Variants in BCKDHB observed in about 807,000 individuals in gnomAD.
BCKDHB encodes 2-oxoisovalerate dehydrogenase subunit beta, mitochondrial.
BCKDHB carries 41 observed loss-of-function variants against 48.5 expected under a neutral mutation model. The observed-to-expected ratio is 0.85, with a 90% CI of 0.66 to 1.10. The LOEUF is 1.10. BCKDHB is among the 50% of genes least tolerant of loss of function. The pLI is 0.00. For synonymous variants in BCKDHB, 201 were observed against 174.8 expected, an observed-to-expected ratio of 1.15 and a Z score of -1.18; for missense variants, 496 against 494.2, an observed-to-expected ratio of 1.00 and a Z score of -0.03.
chr6:80,137,432 A>G (rs545028365), intron 3 of BCKDHB, among the ~76,000 whole-genome samples: 24 of 152,236 alleles, frequency 1.6e-4, no homozygotes, highest in African/African-American at 5.8e-4. Flanking sequence ...TCTATTTCCT[A>G]TACTGGAGTG....
the BCKDHB span, among the ~76,000 whole-genome samples, chr6:80,370,233 G>C: frequency 6.6e-6 from 1 of 152,264 alleles, no homozygotes; most frequent in South Asian, 2.1e-4. Flanking sequence ...AGAGGAAAAA[G>C]ACCAGATCTC....
intron 3 of BCKDHB, among the ~76,000 whole-genome samples, chr6:80,143,091 T>C (rs180737084): frequency 6.6e-6 from 1 of 152,260 alleles, no homozygotes. Context: ...GGTCAATATC[T>C]GGGGATGCTT....
In BCKDHB at chr6:80,213,606, C is replaced by G. The variant is rs574231366; in HGVS notation, c.951+10394C>G. 2.0e-5 allele frequency among the ~76,000 whole-genome samples: 3 copies of G among 152,124 alleles called. No individual in the cohort carries two copies. In the East Asian group the frequency reaches 5.8e-4, roughly 29 times the overall value. ...ATACTGTCTCCCAGTCTTCCCTCCC[C>G]CTCACTCTCTGCCCAAAGCAATCTC... On this transcript the variant is annotated intron_variant, in intron 8 of 9. Coordinates refer to ENST00000320393, the MANE Select transcript of BCKDHB (RefSeq NM_183050.4).
At chr6:80,399,640 G>A in the BCKDHB span, among the ~76,000 whole-genome samples, 8 of 152,064 alleles carry the variant, frequency 5.3e-5, no homozygotes, top group African/African-American at 1.4e-4. Context: ...TGAACAGGAA[G>A]AATCATTATC....
chr6:80,231,394 AAAAT>A (rs1775918638), intron 8 of BCKDHB, among the ~76,000 whole-genome samples: 1 of 152,188 alleles, frequency 6.6e-6, no homozygotes. Context: ...TTTATAAACA[AAAAT>A]AAACAAAAAT....
intron 3 of BCKDHB, among the ~76,000 whole-genome samples, chr6:80,151,878 C>T (rs1402180715): frequency 2.0e-5 from 3 of 152,108 alleles, no homozygotes; most frequent in Non-Finnish European, 4.4e-5. Context: ...ATGATGTTGG[C>T]ATGCTGTTTT....
intron 3 of BCKDHB, among the ~76,000 whole-genome samples, chr6:80,157,718 A>T (rs1346716473): frequency 6.6e-6 from 1 of 151,220 alleles, no homozygotes; most frequent in African/African-American, 2.4e-5. Flanking sequence ...ACCTCAGGTG[A>T]TCCGCCCACC....
intron 3 of BCKDHB, among the ~76,000 whole-genome samples, chr6:80,138,927 A>T (rs1771038388): frequency 6.6e-6 from 1 of 152,176 alleles, no homozygotes. Flanking sequence ...CAACAGTGTA[A>T]AAGTGTTCCT....
At chr6:80,274,696 T>C (rs1177942753) in intron 9 of BCKDHB, among the ~76,000 whole-genome samples, 1 of 152,086 alleles carries the variant, frequency 6.6e-6, no homozygotes, top group African/African-American at 2.4e-5. Context: ...TGGAATTAGA[T>C]ACTATAACTC....
intron 3 of BCKDHB, among the ~76,000 whole-genome samples, chr6:80,154,803 A>T (rs1400924922): frequency 6.6e-6 from 1 of 152,126 alleles, no homozygotes; most frequent in Non-Finnish European, 1.5e-5. Flanking sequence ...TAAGTTTGAA[A>T]TTTCACTTGA....
At chr6:80,323,912 A>G (rs1768881724) in intron 9 of BCKDHB, among the ~76,000 whole-genome samples, 2 of 151,946 alleles carry the variant, frequency 1.3e-5, no homozygotes, top group African/African-American at 2.4e-5. Context: ...AGCTGGGACT[A>G]CAGGCGCCCG....
At chr6:80,321,204 T>C (rs1163384783) in intron 9 of BCKDHB, among the ~76,000 whole-genome samples, 1 of 152,156 alleles carries the variant, frequency 6.6e-6, no homozygotes, top group Non-Finnish European at 1.5e-5. Flanking sequence ...ATGCTATAAT[T>C]AGTGATGTCT....
At chr6:80,395,129 A>G in the BCKDHB span, among the ~76,000 whole-genome samples, 3 of 152,194 alleles carry the variant, frequency 2.0e-5, no homozygotes, top group Non-Finnish European at 4.4e-5. Context: ...ATGGCCTAAT[A>G]CAGTAAATTG....
chr6:80,112,908 A>G (rs1769487803), intron 1 of BCKDHB, among the ~76,000 whole-genome samples: 1 of 152,216 alleles, frequency 6.6e-6, no homozygotes, highest in Non-Finnish European at 1.5e-5. Context: ...AACTTCTAGC[A>G]TACTTATGAT....
chr6:80,342,790 A>G (rs1740034869), intron 9 of BCKDHB, among the ~76,000 whole-genome samples: 1 of 152,106 alleles, frequency 6.6e-6, no homozygotes, highest in Non-Finnish European at 1.5e-5. Flanking sequence ...CCCTATTTCA[A>G]AATAAATTCA....
the BCKDHB span, among the ~76,000 whole-genome samples, chr6:80,396,708 A>T: frequency 6.6e-6 from 1 of 152,136 alleles, no homozygotes; most frequent in Admixed American, 6.6e-5. Context: ...AAGAGATCTG[A>T]TTGTTTTATA....
At chr6:80,198,818 T>C (rs560436472) in intron 6 of BCKDHB, among the ~76,000 whole-genome samples, 1 of 152,294 alleles carries the variant, frequency 6.6e-6, no homozygotes, top group South Asian at 2.1e-4. Context: ...TGAAATCAAC[T>C]CTCCAATATA....
Position 80,200,844 on chromosome 6 carries a change from C to T in BCKDHB, c.743-90C>T, listed in dbSNP as rs557919362. Reference sequence around the variant, plus strand: ...TAGAGAAACAAAAAATAAAATAAAGCTTTGCTACAGTGAGCTTCTTAAATT... The same window carrying T: ...TAGAGAAACAAAAAATAAAATAAAGTTTTGCTACAGTGAGCTTCTTAAATT... On this transcript the variant is annotated intron_variant, in intron 6 of 9. Transcript: ENST00000320393. The T allele has an allele frequency of 4.1e-5, 42 of 1,036,048 alleles. No individual in the cohort carries two copies. In the African/African-American group the frequency reaches 4.6e-4, roughly 11 times the overall value. 64.2% of individuals were successfully genotyped at this position (1,036,048 alleles called of 1,614,324 possible).
At chr6:80,409,631 T>TATATATATATATA in the BCKDHB span, among the ~76,000 whole-genome samples, 3 of 111,428 alleles carry the variant, frequency 2.7e-5, no homozygotes, top group Non-Finnish European at 5.6e-5. Flanking sequence ...TATATATATA[T>TATATATATATATA]GATAGTTAGT....
Sources: gnomAD v4.1 joint callset for allele counts (sites outside exome capture counted in the v4.1 genomes callset) on GRCh38, gnomAD v4.1.1 for gene constraint, MANE v1.5 for transcripts, NCBI Gene and HGNC (gene_info 2026-07-23, HGNC 2026-07-21) for gene names.